The following GPC5 variants were observed in gnomAD, a reference collection of about 807,000 sequenced individuals.
GPC5 encodes glypican-5.
Under a neutral mutation model 53.9 loss-of-function variants are expected in GPC5, and 47 were observed. The observed-to-expected ratio is 0.87, with a 90% CI of 0.69 to 1.11. GPC5 has a LOEUF of 1.11. Ranked by LOEUF, GPC5 falls within the 50% of genes most tolerant of loss-of-function variation. The probability of loss-of-function intolerance (pLI) is 0.00; values close to 1 mark genes in which losing one functional copy is unlikely to be tolerated. For synonymous variants in GPC5, 286 were observed against 263.3 expected (o/e 1.09, Z -0.84); for missense variants, 748 against 713.1 (o/e 1.05, Z -0.56).
At chr13:91,499,343 A>C (rs1884491458) in intron 2 of GPC5, among the ~76,000 whole-genome samples, 1 of 152,168 alleles carries the variant, frequency 6.6e-6, no homozygotes, top group South Asian at 2.1e-4. Context: ...AGTCCTGAGC[A>C]AAGAAGTAAA....
intron 7 of GPC5, among the ~76,000 whole-genome samples, chr13:92,228,285 C>T (rs1253704463): frequency 6.6e-6 from 1 of 151,220 alleles, no homozygotes; most frequent in African/African-American, 2.4e-5. Context: ...TTGAATGAAA[C>T]CAATACTTAT....
At chr13:92,261,047 A>C (rs920591431) in intron 7 of GPC5, among the ~76,000 whole-genome samples, 1 of 152,188 alleles carries the variant, frequency 6.6e-6, no homozygotes, top group African/African-American at 2.4e-5. Flanking sequence ...ATATAATAAC[A>C]TTTGTGTGAC....
intron 6 of GPC5, among the ~76,000 whole-genome samples, chr13:91,950,902 C>G (rs58772509): frequency 6.6e-6 from 1 of 152,072 alleles, no homozygotes. Flanking sequence ...AGAATTTGAA[C>G]CCAGGGACTA....
intron 2 of GPC5, among the ~76,000 whole-genome samples, chr13:91,542,419 T>C (rs541343760): frequency 5.3e-5 from 8 of 152,348 alleles, no homozygotes; most frequent in African/African-American, 1.7e-4. Context: ...TATGAGACTC[T>C]CAAATGAGAA....
At chr13:91,665,505 C>CTTTTTTTTTTTCT (rs371605806) in intron 2 of GPC5, among the ~76,000 whole-genome samples, 1 of 146,132 alleles carries the variant, frequency 6.8e-6, no homozygotes, top group African/African-American at 2.6e-5. Context: ...AAAAGCCAGT[C>CTTTTTTTTTTTCT]TTTTTTTTTT....
chr13:92,734,407 A>G (rs1172792954), intron 7 of GPC5, among the ~76,000 whole-genome samples: 1 of 151,856 alleles, frequency 6.6e-6, no homozygotes, highest in African/African-American at 2.4e-5. Flanking sequence ...GGACATAATC[A>G]CTAGGAGAAA....
rs1490426478 is a variant in GPC5 at position 91,693,805 on chromosome 13, T to G, written c.944T>G (p.Val315Gly). 1.9e-6 allele frequency: 3 copies of G among 1,613,740 alleles called. No individual in the cohort carries two copies. Among genetic ancestry groups the G allele is most frequent in the Non-Finnish European group, 2.5e-6 (3 of 1,179,990 alleles). Residue 315 changes from valine to glycine, a missense_variant, in exon 3 of 8, where the codon GTG becomes GGG. Val to Gly is a moderately radical substitution (Grantham distance 109, BLOSUM62 -3). Transcript: ENST00000377067. The stretch of plus-strand genomic sequence containing the variant: ...CATGGAACATACGACATTGGACACG[T>G]GCTGCTGAACTTTCACTTGCTTGTT... ...AMHGTYDIGH[V>G]LLNFHLLVND...
At chr13:92,713,044 A>G (rs1228103552) in intron 7 of GPC5, among the ~76,000 whole-genome samples, 2 of 152,090 alleles carry the variant, frequency 1.3e-5, no homozygotes, top group Non-Finnish European at 2.9e-5. Context: ...ATGGCTGCCC[A>G]AGCAAACTAA....
At position 92,644,404 on chromosome 13, in the gene GPC5, A is replaced by G. The variant is rs184025654; in HGVS notation, c.1562-221878A>G. ...GAGAAATGACTAAACAAATTAGAGT[A>G]TATTTGCCCTATTTTGTACGTGTCA... is the stretch of plus-strand genomic sequence containing the variant. On this transcript the variant is annotated intron_variant, in intron 7 of 7. Coordinates refer to ENST00000377067, the MANE Select transcript of GPC5 (RefSeq NM_004466.6). Among the ~76,000 whole-genome samples the G allele has an allele frequency of 4.5e-4, 69 of 152,328 alleles. No individual in the cohort carries two copies. The East Asian group carries it at 9.5e-3, about 21-fold the overall frequency.
chr13:92,256,549 C>A (rs1340896900), intron 7 of GPC5, among the ~76,000 whole-genome samples: 1 of 151,902 alleles, frequency 6.6e-6, no homozygotes, highest in Non-Finnish European at 1.5e-5. Flanking sequence ...GTACTCTTTT[C>A]TTTTTTATTT....
chr13:92,750,038 G>T (rs1341860631), intron 7 of GPC5, among the ~76,000 whole-genome samples: 4 of 152,130 alleles, frequency 2.6e-5, no homozygotes, highest in African/African-American at 7.2e-5. Context: ...TATTTTTCCA[G>T]TTCTACCCAC....
At chr13:91,827,840 A>G (rs1262818675) in intron 5 of GPC5, among the ~76,000 whole-genome samples, 1 of 152,054 alleles carries the variant, frequency 6.6e-6, no homozygotes, top group African/African-American at 2.4e-5. Flanking sequence ...GTCACTGGAT[A>G]TTTACCCAAG....
At chr13:92,397,548 T>A (rs1875342156) in intron 7 of GPC5, among the ~76,000 whole-genome samples, 1 of 152,246 alleles carries the variant, frequency 6.6e-6, no homozygotes, top group Non-Finnish European at 1.5e-5. Flanking sequence ...TATCTTTGTA[T>A]GATTTCCGCA....
chr13:91,976,162 C>T, intron 6 of GPC5, among the ~76,000 whole-genome samples: 1 of 152,050 alleles, frequency 6.6e-6, no homozygotes, highest in Non-Finnish European at 1.5e-5. Context: ...AGGAGATATA[C>T]CTAATGTTAA....
At chr13:92,709,030 C>A (rs7318597) in intron 7 of GPC5, among the ~76,000 whole-genome samples, 7,817 of 149,062 alleles carry the variant, frequency 0.052, 583 homozygotes, top group East Asian at 0.32. Flanking sequence ...CTGCAGGCAC[C>A]CACCACCATC....
At chr13:92,733,599 T>C (rs1392832314) in intron 7 of GPC5, among the ~76,000 whole-genome samples, 3 of 151,778 alleles carry the variant, frequency 2.0e-5, no homozygotes, top group African/African-American at 4.8e-5. Context: ...AAGACAATGA[T>C]AGAAAATGGA....
chr13:92,313,991 T>C (rs2043162229), intron 7 of GPC5, among the ~76,000 whole-genome samples: 1 of 152,090 alleles, frequency 6.6e-6, no homozygotes, highest in African/African-American at 2.4e-5. Context: ...TCATCATGAG[T>C]CACTCCACCA....
At chr13:92,781,900 A>C (rs542056844) in intron 7 of GPC5, among the ~76,000 whole-genome samples, 7 of 152,358 alleles carry the variant, frequency 4.6e-5, no homozygotes, top group African/African-American at 1.4e-4. Flanking sequence ...GACGCTGCAG[A>C]GCAAGGTAAT....
chr13:92,136,495 A>G (rs2041785654), intron 6 of GPC5, among the ~76,000 whole-genome samples: 2 of 152,062 alleles, frequency 1.3e-5, no homozygotes, highest in South Asian at 4.1e-4. Flanking sequence ...ACCTACCTAT[A>G]CTCATTATAG....
Sources: allele counts gnomAD v4.1 joint callset (sites outside exome capture counted in the v4.1 genomes callset), GRCh38; gene constraint gnomAD v4.1.1; transcripts MANE v1.5; gene names NCBI Gene and HGNC (gene_info 2026-07-23, HGNC 2026-07-21).